ZFAND3: variants seen among roughly 807,000 people sequenced by gnomAD.
The protein encoded by ZFAND3 is AN1-type zinc finger protein 3.
A neutral mutation model predicts 29.6 loss-of-function variants in ZFAND3; 10 were observed. The observed-to-expected ratio is 0.34, with a 90% CI of 0.21 to 0.57. The LOEUF (loss-of-function observed/expected upper bound fraction) is 0.57, where lower values mean the gene tolerates loss of function less well. ZFAND3 is among the 20% of genes least tolerant of loss of function. ZFAND3 has a pLI of 0.86. For synonymous variants in ZFAND3, 128 were observed against 112.6 expected, an observed-to-expected ratio of 1.14 and a Z score of -0.87; for missense variants, 230 against 304.5, an observed-to-expected ratio of 0.76 and a Z score of 1.82.
chr6:38,087,580 A>AT (rs1222444644), intron 4 of ZFAND3, among the ~76,000 whole-genome samples: 1 of 152,260 alleles, frequency 6.6e-6, no homozygotes, highest in Non-Finnish European at 1.5e-5. Context: ...AAACAGACAT[A>AT]TAAAAAGTTG....
intron 2 of ZFAND3, among the ~76,000 whole-genome samples, chr6:38,054,761 A>G (rs1764102164): frequency 2.0e-5 from 3 of 152,236 alleles, no homozygotes; most frequent in South Asian, 4.1e-4. Flanking sequence ...CATAGTAACC[A>G]AGTCCATAAG....
At chr6:37,922,306 GA>G (rs1249619015) in intron 1 of ZFAND3, among the ~76,000 whole-genome samples, 1 of 151,944 alleles carries the variant, frequency 6.6e-6, no homozygotes, top group Admixed American at 6.6e-5. Context: ...AAAAATTGGG[GA>G]AAAACAATTA....
intron 2 of ZFAND3, among the ~76,000 whole-genome samples, chr6:38,026,808 A>AGT (rs768744252): frequency 2.0e-5 from 3 of 150,948 alleles, no homozygotes; most frequent in Non-Finnish European, 4.4e-5. Flanking sequence ...AGAGAGAGAG[A>AGT]GAGTGTAATT....
At chr6:37,823,965 A>G (rs1298765005) in intron 1 of ZFAND3, among the ~76,000 whole-genome samples, 1 of 151,876 alleles carries the variant, frequency 6.6e-6, no homozygotes, top group Non-Finnish European at 1.5e-5. Context: ...CTAATTTTTT[A>G]TTTTTAGTAG....
intron 1 of ZFAND3, among the ~76,000 whole-genome samples, chr6:37,843,262 G>A (rs1764112801): frequency 6.6e-6 from 1 of 152,094 alleles, no homozygotes; most frequent in Non-Finnish European, 1.5e-5. Context: ...GAGGCAGGTG[G>A]ATCACGAGGT....
chr6:37,896,528 T>TTC (rs1765211073), intron 1 of ZFAND3, among the ~76,000 whole-genome samples: 1 of 116,858 alleles, frequency 8.6e-6, no homozygotes, highest in Non-Finnish European at 1.7e-5. Flanking sequence ...CTTTCTTTCT[T>TTC]TCTTTCTTTC....
intron 4 of ZFAND3, among the ~76,000 whole-genome samples, chr6:38,111,817 T>TA (rs1666294532): frequency 6.6e-6 from 1 of 152,172 alleles, no homozygotes; most frequent in South Asian, 2.1e-4. Context: ...TTTTCAGCTG[T>TA]AACAGGGGTC....
intron 5 of ZFAND3, among the ~76,000 whole-genome samples, chr6:38,148,827 C>T (rs772544218): frequency 1.3e-5 from 2 of 152,170 alleles, no homozygotes; most frequent in Non-Finnish European, 2.9e-5. Context: ...AATACCTGCT[C>T]AGCATTTGGG....
intron 1 of ZFAND3, among the ~76,000 whole-genome samples, chr6:37,841,583 A>G (rs920121533): frequency 6.6e-6 from 1 of 152,186 alleles, no homozygotes; most frequent in Non-Finnish European, 1.5e-5. Flanking sequence ...TCCCGGGTTC[A>G]CGCCATTCCC....
At chr6:38,084,470 A>G (rs9470764) in intron 4 of ZFAND3, among the ~76,000 whole-genome samples, 1 of 152,340 alleles carries the variant, frequency 6.6e-6, no homozygotes, top group Middle Eastern at 3.4e-3. Flanking sequence ...CCATCATCTT[A>G]ATGAGGATTA....
intron 5 of ZFAND3, among the ~76,000 whole-genome samples, chr6:38,133,774 G>A (rs1765789424): frequency 6.6e-6 from 1 of 151,788 alleles, no homozygotes; most frequent in African/African-American, 2.4e-5. Flanking sequence ...AGCATCATTG[G>A]ACAAATGGTA....
intron 2 of ZFAND3, among the ~76,000 whole-genome samples, chr6:38,055,473 C>G (rs1051151802): frequency 1.8e-4 from 27 of 152,126 alleles, no homozygotes; most frequent in Admixed American, 5.2e-4. Context: ...CTAGCTCTAG[C>G]ATTTGTTAAG....
chr6:38,116,841 A>G (rs1765428083), intron 5 of ZFAND3, 102 bp downstream of exon 5: 1 of 1,454,640 alleles, frequency 6.9e-7, no homozygotes, highest in Non-Finnish European at 9.3e-7. Flanking sequence ...TCTTCTGAGT[A>G]CTGTAAGTTT....
chr6:37,895,459 CTTTTTTTTTTTT>C (rs11331881), intron 1 of ZFAND3, among the ~76,000 whole-genome samples: 103 of 76,772 alleles, frequency 1.3e-3, no homozygotes, highest in African/African-American at 4.9e-3. Flanking sequence ...CTCAGAGGTT[CTTTTTTTTTTTT>C]TTTTTTTTTT....
intron 3 of ZFAND3, among the ~76,000 whole-genome samples, chr6:38,067,921 TGAATG>T (rs1197237273): frequency 6.6e-6 from 1 of 152,172 alleles, no homozygotes. Context: ...ACTAGCATAT[TGAATG>T]GAAATGGAGG....
intron 1 of ZFAND3, among the ~76,000 whole-genome samples, chr6:37,891,414 A>AGGCCCCC (rs2127396439): frequency 8.3e-6 from 1 of 120,212 alleles, no homozygotes; most frequent in African/African-American, 4.0e-5. Context: ...TGGAGATTTC[A>AGGCCCCC]GTCCCCCCCC....
At chr6:37,822,431 G>T (rs748205140) in intron 1 of ZFAND3, among the ~76,000 whole-genome samples, 1 of 152,152 alleles carries the variant, frequency 6.6e-6, no homozygotes, top group Non-Finnish European at 1.5e-5. Flanking sequence ...CAACATTGCC[G>T]CCTTGTTTCC....
intron 1 of ZFAND3, among the ~76,000 whole-genome samples, chr6:37,877,456 C>G (rs1048181488): frequency 6.6e-6 from 1 of 151,910 alleles, no homozygotes; most frequent in Non-Finnish European, 1.5e-5. Context: ...GCTTGGATTA[C>G]AGTAGTAATA....
At chr6:37,892,198 C>CA (rs1765117495) in intron 1 of ZFAND3, among the ~76,000 whole-genome samples, 1 of 152,140 alleles carries the variant, frequency 6.6e-6, no homozygotes, top group Non-Finnish European at 1.5e-5. Flanking sequence ...TTTGGAAACT[C>CA]TAATACGTGG....
Sources: allele counts gnomAD v4.1 joint callset (sites outside exome capture counted in the v4.1 genomes callset), GRCh38; gene constraint gnomAD v4.1.1; transcripts MANE v1.5; gene names NCBI Gene and HGNC (gene_info 2026-07-23, HGNC 2026-07-21).